Variants in SLC35F3 observed in about 807,000 individuals in gnomAD.
SLC35F3 encodes the protein putative thiamine transporter SLC35F3.
Under a neutral mutation model 49.9 loss-of-function variants are expected in SLC35F3, and 25 were observed. That is an observed-to-expected ratio of 0.50 (90% CI 0.37 to 0.70). The LOEUF (loss-of-function observed/expected upper bound fraction) is 0.70. Among genes scored for constraint, SLC35F3 ranks in the 30% least tolerant of loss-of-function variants. The probability of loss-of-function intolerance (pLI) is 0.00; values close to 1 mark genes in which losing one functional copy is unlikely to be tolerated. For missense variants in SLC35F3, 525 were observed against 639.8 expected (o/e 0.82, Z 1.94); for synonymous variants, 275 against 265.4 (o/e 1.04, Z -0.35).
chr1:234,161,244 G>T (rs1282025996), intron 2 of SLC35F3, among the ~76,000 whole-genome samples: 3 of 152,200 alleles, frequency 2.0e-5, no homozygotes, highest in East Asian at 1.9e-4. Context: ...TCCGAGGTAG[G>T]CAGTATTATG....
intron 2 of SLC35F3, among the ~76,000 whole-genome samples, chr1:234,184,802 T>G (rs569942460): frequency 6.6e-6 from 1 of 152,208 alleles, no homozygotes; most frequent in African/African-American, 2.4e-5. Context: ...ACACGTGACA[T>G]TGTCCTAGAT....
chr1:234,086,120 G>C (rs1054976976), intron 2 of SLC35F3, among the ~76,000 whole-genome samples: 3 of 152,200 alleles, frequency 2.0e-5, no homozygotes, highest in Non-Finnish European at 4.4e-5. Flanking sequence ...ATGAGTGAAT[G>C]AATGTATGCA....
At chr1:234,075,927 G>A (rs974428334) in intron 2 of SLC35F3, among the ~76,000 whole-genome samples, 33 of 152,230 alleles carry the variant, frequency 2.2e-4, no homozygotes, top group South Asian at 1.2e-3. Context: ...CCACACCCGC[G>A]CTTTTTTGCT....
At chr1:234,073,535 C>G (rs981159168) in intron 2 of SLC35F3, among the ~76,000 whole-genome samples, 12 of 152,294 alleles carry the variant, frequency 7.9e-5, no homozygotes, top group Middle Eastern at 3.4e-3. Context: ...AAGCAGCAGC[C>G]ATTGCTGTTG....
In SLC35F3 at chr1:234,046,634, A is replaced by G. The variant is rs1308518490; in HGVS notation, c.283+140876A>G. ...TTTTACTCATGGTTTATACTTTTTC[A>G]TATATACATATTTCTTGTCTAAGAA... On this transcript the variant is annotated intron_variant, in intron 2 of 7. Transcript: ENST00000366618. The surrounding 1 kb of genome is among the most constrained non-coding windows in gnomAD (Gnocchi z 4.4). Among the ~76,000 whole-genome samples, 1 of 152,120 alleles carries G rather than the reference A, an allele frequency of 6.6e-6. No individual in the cohort carries two copies. Among genetic ancestry groups the G allele is most frequent in the East Asian group, 1.9e-4 (1 of 5,202 alleles).
At chr1:233,918,798 T>TTC (rs879841839) in intron 2 of SLC35F3, among the ~76,000 whole-genome samples, 29 of 49,834 alleles carry the variant, frequency 5.8e-4, no homozygotes, top group African/African-American at 1.2e-3. Context: ...CTCTCTCTCT[T>TTC]TCTCTCTCTC....
At chr1:233,969,312 C>T (rs959754531) in intron 2 of SLC35F3, among the ~76,000 whole-genome samples, 2 of 152,170 alleles carry the variant, frequency 1.3e-5, no homozygotes, top group African/African-American at 4.8e-5. Context: ...GTGCAGTGGC[C>T]GCGTGTGCGG....
At position 234,239,262 on chromosome 1, in the gene SLC35F3, G is replaced by A. The variant is rs181328686; in HGVS notation, c.608+7521G>A. Among the ~76,000 whole-genome samples, 147 of 152,250 alleles carry A rather than the reference G, an allele frequency of 9.7e-4. No individual in the cohort carries two copies. The Middle Eastern group carries it at 0.01, about 11-fold the overall frequency. ...TTTGAGGATCAGTTAATCTTTGTGC[G>A]GGTCAGATGAGAAGGAGGGCCCATG... On this transcript the variant is annotated intron_variant, in intron 3 of 7. Transcript: ENST00000366618.
At chr1:233,972,036 G>A (rs1056332505) in intron 2 of SLC35F3, among the ~76,000 whole-genome samples, 21 of 152,228 alleles carry the variant, frequency 1.4e-4, no homozygotes, top group African/African-American at 4.8e-4. Flanking sequence ...GCAGCTGGTG[G>A]CTGTCACTCC....
chr1:234,085,495 A>G (rs904143659), intron 2 of SLC35F3, among the ~76,000 whole-genome samples: 3 of 152,186 alleles, frequency 2.0e-5, no homozygotes, highest in Non-Finnish European at 4.4e-5. Context: ...CCTCTGTCTG[A>G]ATGGATTGGG....
chr1:234,207,300 A>G (rs1053142869), intron 2 of SLC35F3, among the ~76,000 whole-genome samples: 4 of 101,514 alleles, frequency 3.9e-5, no homozygotes, highest in African/African-American at 1.5e-4. Context: ...GCAAAGGAAC[A>G]TCTGGAATAA....
intron 2 of SLC35F3, among the ~76,000 whole-genome samples, chr1:234,116,098 A>G (rs1241601117): frequency 6.6e-6 from 1 of 152,224 alleles, no homozygotes; most frequent in Non-Finnish European, 1.5e-5. Flanking sequence ...GCATAAAGGA[A>G]TAGTCAATTA....
At chr1:234,170,459 G>A (rs79726309) in intron 2 of SLC35F3, among the ~76,000 whole-genome samples, 5,344 of 152,118 alleles carry the variant, frequency 0.035, 283 homozygotes, top group African/African-American at 0.11. Flanking sequence ...TTGACCAGAT[G>A]TCCTTAGGCG....
At chr1:234,237,941 C>T (rs151013827) in intron 3 of SLC35F3, among the ~76,000 whole-genome samples, 2 of 152,254 alleles carry the variant, frequency 1.3e-5, no homozygotes, top group African/African-American at 2.4e-5. Flanking sequence ...TGCTCTCAAG[C>T]GATCTGCCCA....
intron 3 of SLC35F3, among the ~76,000 whole-genome samples, chr1:234,294,327 G>A (rs1445424905): frequency 6.6e-6 from 1 of 152,168 alleles, no homozygotes; most frequent in Admixed American, 6.5e-5. Context: ...TCCTGGCTCT[G>A]TCTCGGCCAG....
rs547206796 is a variant in SLC35F3 at position 233,954,286 on chromosome 1, G to A, written c.283+48528G>A. On this transcript the variant is annotated intron_variant, in intron 2 of 7. Coordinates refer to ENST00000366618, the MANE Select transcript of SLC35F3 (RefSeq NM_173508.4). ...CTCCCAAAGTGCTGGGATTACAGGC[G>A]TGAGCCACTGCTCCCGGCCTAGAGC... Among the ~76,000 whole-genome samples, 6 of 152,188 alleles carry A rather than the reference G, an allele frequency of 3.9e-5. No homozygotes were observed. In the South Asian group the frequency reaches 1.0e-3, roughly 26 times the overall value.
At chr1:234,260,562 A>T (rs781236629) in intron 3 of SLC35F3, among the ~76,000 whole-genome samples, 42 of 152,264 alleles carry the variant, frequency 2.8e-4, no homozygotes, top group Non-Finnish European at 4.3e-4. Flanking sequence ...TTGAGTTTTG[A>T]ACGGTAAGAC....
intron 2 of SLC35F3, among the ~76,000 whole-genome samples, chr1:234,230,514 G>A (rs1467855482): frequency 2.0e-5 from 3 of 152,184 alleles, no homozygotes; most frequent in East Asian, 1.9e-4. Context: ...GCATCCATCC[G>A]TAGTTACACC....
At chr1:234,297,281 C>A (rs1276892238) in intron 3 of SLC35F3, among the ~76,000 whole-genome samples, 1 of 152,158 alleles carries the variant, frequency 6.6e-6, no homozygotes, top group South Asian at 2.1e-4. Flanking sequence ...ACCATATGAT[C>A]CAGAAATCCC....
Sources: gnomAD v4.1 joint callset for allele counts (sites outside exome capture counted in the v4.1 genomes callset) on GRCh38, gnomAD v4.1.1 for gene constraint, Gnocchi (gnomAD v3.1) non-coding constraint, MANE v1.5 for transcripts, NCBI Gene and HGNC (gene_info 2026-07-23, HGNC 2026-07-21) for gene names.